COL4A4: variants seen among roughly 807,000 people sequenced by gnomAD.
COL4A4 encodes collagen type IV alpha 4 chain, also known as collagen alpha-4(IV) chain.
Under a neutral mutation model 192.9 loss-of-function variants are expected in COL4A4, and 105 were observed. The ratio of observed to expected loss-of-function variants is 0.54; its 90% CI spans 0.46 to 0.64. The LOEUF (loss-of-function observed/expected upper bound fraction) is 0.64, where lower values mean the gene tolerates loss of function less well. COL4A4 is among the 30% of genes least tolerant of loss of function. The pLI, the probability that COL4A4 is intolerant of heterozygous loss-of-function variation, is 0.00. For missense variants in COL4A4, 1,967 were observed against 2,169.3 expected, an observed-to-expected ratio of 0.91 and a Z score of 1.85; for synonymous variants, 762 against 769.9, an observed-to-expected ratio of 0.99 and a Z score of 0.17.
chr2:227,077,698 A>AG lies in COL4A4; in HGVS notation c.1987+195dup, dbSNP rs538945143. ...GAAAAAGAAAAACACTTGAATACTG[A>AG]GAAAAAAAAAAAGAAGGAGGAGGGA... On this transcript the variant is annotated intron_variant, in intron 25 of 47. Coordinates refer to ENST00000396625, the MANE Select transcript of COL4A4 (RefSeq NM_000092.5). 3.1e-3 allele frequency among the ~76,000 whole-genome samples: 451 copies of AG among 144,116 alleles called. 1 individual carries two copies. The highest frequency in any genetic ancestry group is 5.2e-3 in the Non-Finnish European group (347 of 66,240). The allele number at this position is 144,116 out of a possible 152,430, so 94.5% of individuals were successfully genotyped here. A position where few individuals can be genotyped will look rare whatever the true frequency, so the allele number is the denominator to read the frequency against.
chr2:227,089,631 A>ATATATAT (rs1467265444), intron 21 of COL4A4, among the ~76,000 whole-genome samples: 1 of 144,178 alleles, frequency 6.9e-6, no homozygotes, highest in African/African-American at 2.5e-5. Context: ...ATAAATATAT[A>ATATATAT]AGACACAAGG....
At chr2:227,016,959 A>G (rs986954901) in intron 44 of COL4A4, among the ~76,000 whole-genome samples, 10 of 152,092 alleles carry the variant, frequency 6.6e-5, no homozygotes, top group Non-Finnish European at 1.3e-4. Flanking sequence ...CCGGGGTGGC[A>G]CTCCTGGTGG....
At chr2:227,159,749 A>C (rs1244612972) in intron 1 of COL4A4, among the ~76,000 whole-genome samples, 1 of 152,176 alleles carries the variant, frequency 6.6e-6, no homozygotes, top group East Asian at 1.9e-4. Flanking sequence ...GGTGCCTTCC[A>C]CCATGATTGT....
chr2:227,014,658 A>AG (rs1359050444), intron 44 of COL4A4, among the ~76,000 whole-genome samples: 2 of 152,192 alleles, frequency 1.3e-5, no homozygotes. Context: ...GTAGAGCCAG[A>AG]GTTATGAACA....
chr2:226,986,109 A>G, the COL4A4 span, among the ~76,000 whole-genome samples: 1 of 152,218 alleles, frequency 6.6e-6, no homozygotes. Flanking sequence ...ATGAGGACAA[A>G]TAGCAGACAA....
chr2:226,969,823 T>C, the COL4A4 span, among the ~76,000 whole-genome samples: 1 of 152,234 alleles, frequency 6.6e-6, no homozygotes, highest in South Asian at 2.1e-4. Context: ...TTCTTCATAA[T>C]GCTAAATTTT....
At chr2:227,089,209 T>G (rs1282332693) in intron 21 of COL4A4, among the ~76,000 whole-genome samples, 2 of 151,856 alleles carry the variant, frequency 1.3e-5, no homozygotes, top group Admixed American at 1.3e-4. Context: ...AATTGGTGAG[T>G]GCACAAACCC....
the COL4A4 span, among the ~76,000 whole-genome samples, chr2:226,983,747 T>C: frequency 6.6e-6 from 1 of 152,218 alleles, no homozygotes; most frequent in Non-Finnish European, 1.5e-5. Flanking sequence ...TTTCAAATGG[T>C]CTTTGATTTC....
chr2:227,041,709 AAGGAAGGGAGGAG>A, intron 37 of COL4A4, among the ~76,000 whole-genome samples: 1 of 130,562 alleles, frequency 7.7e-6, no homozygotes, highest in East Asian at 2.1e-4. Context: ...AGAGAGAAGG[AAGGAAGGGAGGAG>A]GAAGGAAGGA....
At chr2:227,025,498 G>A (rs1027429505) in intron 43 of COL4A4, among the ~76,000 whole-genome samples, 1 of 152,124 alleles carries the variant, frequency 6.6e-6, no homozygotes, top group Non-Finnish European at 1.5e-5. Context: ...ACTTACATTG[G>A]TTATGTACTA....
intron 12 of COL4A4, among the ~76,000 whole-genome samples, chr2:227,105,913 T>C (rs2060811028): frequency 1.3e-5 from 2 of 152,132 alleles, no homozygotes; most frequent in African/African-American, 4.8e-5. Flanking sequence ...CAAACTATTC[T>C]TCCATTGAAT....
intron 45 of COL4A4, 54 bp from the exon 46 acceptor site, chr2:227,010,555 A>G: frequency 7.2e-7 from 1 of 1,396,392 alleles, no homozygotes; most frequent in Non-Finnish European, 9.6e-7. Context: ...TGGTTTAACA[A>G]ATATGTTAAG....
intron 23 of COL4A4, among the ~76,000 whole-genome samples, chr2:227,080,824 A>G (rs912524710): frequency 6.6e-6 from 1 of 152,178 alleles, no homozygotes; most frequent in African/African-American, 2.4e-5. Flanking sequence ...CCTACCTGTG[A>G]TGCCAAGCAC....
chr2:227,130,966 C>T lies in COL4A4; in HGVS notation c.192+9195G>A, dbSNP rs114286937. On this transcript the variant is annotated intron_variant, in intron 4 of 47. Transcript: ENST00000396625. ...TCACCCCCTCGCTAAGCCACCAAGA[C>T]TTCCCACCTGCATGACTGCAGCAGC... Among the ~76,000 whole-genome samples, 615 of 152,226 alleles carry T rather than the reference C, an allele frequency of 4.0e-3. 5 individuals are homozygous for T. The highest frequency in any genetic ancestry group is 6.7e-3 in the Non-Finnish European group (454 of 68,018).
At chr2:227,046,015 TATATATGTATATATGTATAC>T (rs1972714477) in intron 35 of COL4A4, among the ~76,000 whole-genome samples, 1 of 74,940 alleles carries the variant, frequency 1.3e-5, no homozygotes, top group Non-Finnish European at 2.6e-5. Flanking sequence ...ATTTAGATAG[TATATATGTATATATGTATAC>T]ATATATACAT....
chr2:226,985,449 C>T, the COL4A4 span, among the ~76,000 whole-genome samples: 7 of 152,216 alleles, frequency 4.6e-5, no homozygotes, highest in Non-Finnish European at 7.3e-5. Flanking sequence ...GCTTACGATG[C>T]GGAATGCTTT....
rs10755046 is a variant in COL4A4, at chr2:227,123,681, T to A, written c.193-2533A>T. 0.76 allele frequency among the ~76,000 whole-genome samples: 115,115 copies of A among 152,136 alleles called. 44,128 individuals carry two copies. The highest frequency in any genetic ancestry group is 0.88 in the African/African-American group (36,654 of 41,536). ...CCAACTGTGCCTCCGGGGCTTTGGA[T>A]AAAGCCCTGACAGACACAGATGCCA... On this transcript the variant is annotated intron_variant, in intron 4 of 47. Transcript: ENST00000396625. The surrounding 1 kb of genome is among the most constrained non-coding windows in gnomAD (Gnocchi z 4.6).
At chr2:227,092,965 C>T (rs993659557) in intron 20 of COL4A4, among the ~76,000 whole-genome samples, 3 of 152,074 alleles carry the variant, frequency 2.0e-5, no homozygotes, top group African/African-American at 7.2e-5. Context: ...AATATCCAGC[C>T]ACATGTGTTG....
chr2:227,116,592 ATGGTAATGC>A (rs1191425314), intron 7 of COL4A4, among the ~76,000 whole-genome samples: 3 of 152,254 alleles, frequency 2.0e-5, no homozygotes, highest in Non-Finnish European at 4.4e-5. Flanking sequence ...AGAAATGAAA[ATGGTAATGC>A]TGGAAATGAA....
Sources: gnomAD v4.1 joint callset for allele counts (sites outside exome capture counted in the v4.1 genomes callset) on GRCh38, gnomAD v4.1.1 for gene constraint, Gnocchi (gnomAD v3.1) non-coding constraint, MANE v1.5 for transcripts, NCBI Gene and HGNC (gene_info 2026-07-23, HGNC 2026-07-21) for gene names.